The following GNAO1 variants were observed in gnomAD, a reference collection of about 807,000 sequenced individuals.
The protein encoded by GNAO1 is G protein subunit alpha o1.
For missense variants in GNAO1, 166 were observed against 478.7 expected (o/e 0.35, Z 6.10); for synonymous variants, 164 against 180.7 (o/e 0.91, Z 0.74).
chr16:56,289,034 G>A (rs113403175), intron 3 of GNAO1, among the ~76,000 whole-genome samples: 2 of 73,134 alleles, frequency 2.7e-5, no homozygotes, highest in South Asian at 4.0e-4. Context: ...ATCCAAAAAA[G>A]GGGGGGGGAG....
chr16:56,323,418 T>C (rs1257291648), intron 3 of GNAO1, among the ~76,000 whole-genome samples: 1 of 152,228 alleles, frequency 6.6e-6, no homozygotes, highest in East Asian at 1.9e-4. Flanking sequence ...AGTCTGATCC[T>C]TGACCTAGGC....
intron 2 of GNAO1, among the ~76,000 whole-genome samples, chr16:56,260,024 C>T (rs2036888546): frequency 6.6e-6 from 1 of 152,214 alleles, no homozygotes; most frequent in Non-Finnish European, 1.5e-5. Context: ...AGCTCATTAA[C>T]TTTCTTATTA....
intron 2 of GNAO1, among the ~76,000 whole-genome samples, chr16:56,267,169 G>A (rs1434527561): frequency 5.3e-5 from 8 of 152,198 alleles, no homozygotes. Flanking sequence ...GGTCCAGGCG[G>A]GGCTCTCTCT....
chr16:56,346,251 G>T, intron 6 of GNAO1: 1 of 985,410 alleles, frequency 1.0e-6, no homozygotes, highest in Non-Finnish European at 1.2e-6. Flanking sequence ...TTGTGGGGTG[G>T]TGACTGAGGG....
chr16:56,343,872 C>G (rs765859743), intron 6 of GNAO1: 2 of 1,614,024 alleles, frequency 1.2e-6, no homozygotes, highest in African/African-American at 2.7e-5. Context: ...CCACGGACAC[C>G]AACAACATCC....
intron 6 of GNAO1, chr16:56,343,845 C>T: frequency 2.5e-6 from 4 of 1,613,768 alleles, no homozygotes; most frequent in Non-Finnish European, 3.4e-6. Context: ...AAGAGATCTA[C>T]ACCCACGTCA....
intron 2 of GNAO1, among the ~76,000 whole-genome samples, chr16:56,252,523 G>A (rs774614248): frequency 2.0e-5 from 3 of 152,224 alleles, no homozygotes; most frequent in South Asian, 2.1e-4. Flanking sequence ...TTGAGCAAGC[G>A]AGTTGATCTC....
In GNAO1 at chr16:56,351,315, C is replaced by T. The variant is rs2037918835; in HGVS notation, c.724-69C>T. The T allele has an allele frequency of 3.4e-6, 4 of 1,162,404 alleles. No individual in the cohort carries two copies. Among genetic ancestry groups the T allele is most frequent in the East Asian group, 4.8e-5 (2 of 41,798 alleles). The allele number at this position is 1,162,404 out of a possible 1,614,324, so 72.0% of individuals were successfully genotyped here. ...CCTCTCTGTCAAGCCTAATTCTCTC[C>T]TTCTCTTTCCCTGTCTCTGTGTCTC... On this transcript the variant is annotated intron_variant, in intron 6 of 8. Coordinates refer to ENST00000262493, the MANE Select transcript of GNAO1 (RefSeq NM_020988.3). This position sits in a 1 kb window ranked among gnomAD's most constrained non-coding sequence, Gnocchi z 6.1.
At chr16:56,341,451 G>A (rs577519041) in intron 6 of GNAO1, among the ~76,000 whole-genome samples, 3 of 152,308 alleles carry the variant, frequency 2.0e-5, no homozygotes, top group South Asian at 2.1e-4. Flanking sequence ...GATTGCCCTC[G>A]CCTCCCTCAC....
chr16:56,334,970 C>T (rs1388262760), intron 5 of GNAO1, 113 bp downstream of exon 5: 11 of 1,117,110 alleles, frequency 9.8e-6, no homozygotes, highest in Middle Eastern at 2.4e-4. Context: ...AGGGAACCTG[C>T]GGGCTGGGGC....
At chr16:56,252,761 C>G (rs1264409022) in intron 2 of GNAO1, among the ~76,000 whole-genome samples, 1 of 152,230 alleles carries the variant, frequency 6.6e-6, no homozygotes, top group African/African-American at 2.4e-5. Flanking sequence ...CCCTCCCAAC[C>G]TTCCTCCTGG....
At chr16:56,295,941 A>G (rs909341595) in intron 3 of GNAO1, among the ~76,000 whole-genome samples, 9 of 152,238 alleles carry the variant, frequency 5.9e-5, no homozygotes, top group Non-Finnish European at 1.3e-4. Context: ...TTCTTAGCCA[A>G]ACAGCAGTTA....
intron 2 of GNAO1, among the ~76,000 whole-genome samples, chr16:56,227,845 T>G (rs2036546844): frequency 6.6e-6 from 1 of 152,188 alleles, no homozygotes; most frequent in South Asian, 2.1e-4. Flanking sequence ...ATGGTTTTTC[T>G]GCCTTTTGGC....
chr16:56,202,107 G>A (rs1596793884), intron 2 of GNAO1, among the ~76,000 whole-genome samples: 1 of 147,018 alleles, frequency 6.8e-6, no homozygotes, highest in African/African-American at 2.4e-5. Context: ...AAACTGAGAA[G>A]GGGTGATCTG....
At chr16:56,279,206 C>T (rs2037092065) in intron 3 of GNAO1, among the ~76,000 whole-genome samples, 1 of 152,194 alleles carries the variant, frequency 6.6e-6, no homozygotes, top group Admixed American at 6.5e-5. Flanking sequence ...GTGTCAGCCC[C>T]TAGAACAGGT....
intron 3 of GNAO1, chr16:56,307,097 A>C (rs1178908484): frequency 6.6e-6 from 1 of 152,392 alleles, no homozygotes; most frequent in Non-Finnish European, 1.5e-5. Flanking sequence ...GGTCCCAGGC[A>C]TGCCCCCACC....
intron 3 of GNAO1, among the ~76,000 whole-genome samples, 160 bp from the exon 4 acceptor site, chr16:56,328,471 C>T (rs2037657168): frequency 6.6e-6 from 1 of 152,214 alleles, no homozygotes; most frequent in South Asian, 2.1e-4. Flanking sequence ...TGTGCATGCT[C>T]AGGTCGTGGC....
chr16:56,344,928 C>T (rs1316109255), intron 6 of GNAO1: 1 of 985,052 alleles, frequency 1.0e-6, no homozygotes, highest in Non-Finnish European at 1.2e-6. Flanking sequence ...GCCTCACCGT[C>T]TTGGTGAAGA....
chr16:56,263,520 A>G (rs2036924074), intron 2 of GNAO1, among the ~76,000 whole-genome samples: 1 of 152,174 alleles, frequency 6.6e-6, no homozygotes, highest in Non-Finnish European at 1.5e-5. Flanking sequence ...GCACAGAATA[A>G]TGTAGGGAAG....
Sources: gnomAD v4.1 joint callset for allele counts (sites outside exome capture counted in the v4.1 genomes callset) on GRCh38, gnomAD v4.1.1 for gene constraint, Gnocchi (gnomAD v3.1) non-coding constraint, MANE v1.5 for transcripts, NCBI Gene and HGNC (gene_info 2026-07-23, HGNC 2026-07-21) for gene names.